Variants in TRIM61 observed in about 807,000 individuals in gnomAD.
TRIM61 encodes the protein tripartite motif containing 61, also known as putative tripartite motif-containing protein 61.
In TRIM61, 1 loss-of-function variant was observed where a neutral mutation model predicts 14.2. The observed-to-expected ratio is 0.07, with a 90% confidence interval of 0.03 to 0.33. The LOEUF is 0.33. Among genes scored for constraint, TRIM61 ranks in the 10% least tolerant of loss-of-function variants. The pLI is 0.99. For missense variants in TRIM61, 19 were observed against 202.2 expected, an observed-to-expected ratio of 0.09 and a Z score of 5.49; for synonymous variants, 8 against 71.6, an observed-to-expected ratio of 0.11 and a Z score of 4.49.
intron 3 of TRIM61, among the ~76,000 whole-genome samples, chr4:164,967,672 A>C (rs1732271981): frequency 6.6e-6 from 1 of 152,054 alleles, no homozygotes; most frequent in Non-Finnish European, 1.5e-5. Context: ...AAAATAAAGT[A>C]AGTTACTTAG....
At chr4:164,957,439 G>A in intron 3 of TRIM61, 1 of 1,614,040 alleles carries the variant, frequency 6.2e-7, no homozygotes, top group South Asian at 1.1e-5. Flanking sequence ...TTGTGACAAG[G>A]ACTAGAGGGT....
At chr4:164,976,502 T>C (rs539761393) in intron 2 of TRIM61, among the ~76,000 whole-genome samples, 186 bp downstream of exon 2, 5 of 152,200 alleles carry the variant, frequency 3.3e-5, no homozygotes, top group African/African-American at 1.2e-4. Context: ...AACAGCTCTG[T>C]AGGCACAGTC....
chr4:164,968,978 G>A, intron 3 of TRIM61: 1 of 1,023,370 alleles, frequency 9.8e-7, no homozygotes, highest in Non-Finnish European at 1.2e-6. Flanking sequence ...ATATCCCTTA[G>A]AACCCAGAAC....
chr4:164,969,226 A>T (rs543245071), intron 3 of TRIM61: 2 of 1,334,916 alleles, frequency 1.5e-6, no homozygotes, highest in Non-Finnish European at 1.9e-6. Flanking sequence ...TTAAATTCTC[A>T]TATCTGTGAT....
chr4:164,965,936 A>C (rs569973149), intron 3 of TRIM61, among the ~76,000 whole-genome samples: 1 of 152,200 alleles, frequency 6.6e-6, no homozygotes, highest in Admixed American at 6.5e-5. Context: ...CTAGAAAGCT[A>C]CTGAAGGATG....
chr4:164,965,979 T>C (rs1247637143), intron 3 of TRIM61, among the ~76,000 whole-genome samples: 1 of 151,852 alleles, frequency 6.6e-6, no homozygotes, highest in Non-Finnish European at 1.5e-5. Flanking sequence ...AAGTTCGAAA[T>C]GGAAAAACAT....
chr4:164,974,899 G>C (rs895268011), intron 2 of TRIM61, among the ~76,000 whole-genome samples: 7 of 152,042 alleles, frequency 4.6e-5, no homozygotes, highest in Non-Finnish European at 1.0e-4. Flanking sequence ...GTTGCATAGG[G>C]TGCTCAGAGA....
At chr4:164,963,431 A>G (rs1579144706) in intron 3 of TRIM61, among the ~76,000 whole-genome samples, 1 of 152,222 alleles carries the variant, frequency 6.6e-6, no homozygotes, top group African/African-American at 2.4e-5. Context: ...GCTATGGAAC[A>G]TTCCTTCACA....
At chr4:164,976,481 T>G (rs184317610) in intron 2 of TRIM61, among the ~76,000 whole-genome samples, 1 of 152,220 alleles carries the variant, frequency 6.6e-6, no homozygotes, top group Non-Finnish European at 1.5e-5. Flanking sequence ...ATCAGGACAT[T>G]AAGTGAACAG....
At chr4:164,976,463 T>A (rs965867464) in intron 2 of TRIM61, among the ~76,000 whole-genome samples, 2 of 152,214 alleles carry the variant, frequency 1.3e-5, no homozygotes, top group African/African-American at 4.8e-5. Flanking sequence ...TCTTCTCTAC[T>A]ATTTAAAATC....
chr4:164,972,496 C>T (rs1420973009), intron 2 of TRIM61, among the ~76,000 whole-genome samples: 2 of 116,872 alleles, frequency 1.7e-5, no homozygotes, highest in East Asian at 4.0e-4. Flanking sequence ...TTGCCTATTG[C>T]TTTGTGTGTG....
At chr4:164,957,088 C>T (rs748541601) in intron 3 of TRIM61, 3 of 1,555,262 alleles carry the variant, frequency 1.9e-6, no homozygotes, top group Non-Finnish European at 2.6e-6. Flanking sequence ...CCTGGAGAGC[C>T]AGCCCTGCAG....
chr4:164,962,922 G>T (rs147410525), intron 3 of TRIM61, among the ~76,000 whole-genome samples: 1 of 152,120 alleles, frequency 6.6e-6, no homozygotes. Flanking sequence ...ACTATTACAA[G>T]GTTCTTATAC....
chr4:164,960,460 CAGG>C (rs1732108177), intron 3 of TRIM61, among the ~76,000 whole-genome samples: 1 of 151,514 alleles, frequency 6.6e-6, no homozygotes, highest in Non-Finnish European at 1.5e-5. Flanking sequence ...GAAGCTGAGG[CAGG>C]AGATTTGCTT....
At chr4:164,970,656 T>G (rs1374737856) in intron 2 of TRIM61, among the ~76,000 whole-genome samples, 1 of 152,064 alleles carries the variant, frequency 6.6e-6, no homozygotes, top group Non-Finnish European at 1.5e-5. Flanking sequence ...ACAACTGGTA[T>G]GCATTCTTCA....
At chr4:164,963,044 G>C in intron 3 of TRIM61, among the ~76,000 whole-genome samples, 1 of 152,260 alleles carries the variant, frequency 6.6e-6, no homozygotes, top group South Asian at 2.1e-4. Context: ...TATAAAATAA[G>C]TTAATAGAAA....
chr4:164,962,429 G>C (rs1416331356), intron 3 of TRIM61, among the ~76,000 whole-genome samples: 8 of 151,200 alleles, frequency 5.3e-5, no homozygotes, highest in Non-Finnish European at 1.2e-4. Context: ...ATTTTTATTA[G>C]AGACGGGGTT....
chr4:164,971,870 TTTC>T (rs1317335387), intron 2 of TRIM61, among the ~76,000 whole-genome samples: 2 of 152,158 alleles, frequency 1.3e-5, no homozygotes, highest in East Asian at 1.9e-4. Context: ...CCCTAGACAC[TTTC>T]TTAACTCTTC....
chr4:164,968,965 A>G (rs1172690638), intron 3 of TRIM61: 138 of 1,011,302 alleles, frequency 1.4e-4, no homozygotes, highest in Non-Finnish European at 1.6e-4. Context: ...GCCTGCCACA[A>G]CTATATCCCT....
Sources: gnomAD v4.1 joint callset for allele counts (sites outside exome capture counted in the v4.1 genomes callset) on GRCh38, gnomAD v4.1.1 for gene constraint, MANE v1.5 for transcripts, NCBI Gene and HGNC (gene_info 2026-07-23, HGNC 2026-07-21) for gene names.